The following RFFL variants were observed in gnomAD, a reference collection of about 807,000 sequenced individuals.
RFFL encodes the protein E3 ubiquitin-protein ligase rififylin.
A neutral mutation model predicts 40.4 loss-of-function variants in RFFL; 16 were observed. The ratio of observed to expected loss-of-function variants is 0.40; its 90% CI spans 0.27 to 0.60. The LOEUF (loss-of-function observed/expected upper bound fraction) is 0.60. RFFL is among the 20% of genes least tolerant of loss of function. RFFL has a pLI of 0.47. For missense variants in RFFL, 367 were observed against 451.7 expected, an observed-to-expected ratio of 0.81 and a Z score of 1.70; for synonymous variants, 154 against 167.9, an observed-to-expected ratio of 0.92 and a Z score of 0.64.
At chr17:35,075,368 T>C (rs2091370736) in intron 1 of RFFL, among the ~76,000 whole-genome samples, 1 of 152,240 alleles carries the variant, frequency 6.6e-6, no homozygotes, top group South Asian at 2.1e-4. Context: ...TTTTCTCAAG[T>C]ATTCAGGGAA....
rs73284976 is a variant in RFFL at position 35,032,705 on chromosome 17, G to A, written c.-8-6144C>T. On this transcript the variant is annotated intron_variant, in intron 1 of 6. Transcript: ENST00000394597. Reference sequence around the variant, plus strand: ...AAGTACGTAAAGCCAGAGTGGGGCCGGAGGCTGATTAGATGGTCTGGGTCA... The same window carrying A: ...AAGTACGTAAAGCCAGAGTGGGGCCAGAGGCTGATTAGATGGTCTGGGTCA... Among the ~76,000 whole-genome samples, 138 of 152,084 alleles carry A rather than the reference G, an allele frequency of 9.1e-4. 4 individuals carry two copies. The highest frequency in any genetic ancestry group is 3.1e-3 in the African/African-American group (128 of 41,370).
chr17:35,011,936 C>T lies in RFFL; in HGVS notation c.*32G>A. 1.9e-6 allele frequency: 3 copies of T among 1,607,188 alleles called. No homozygotes were observed. The highest frequency in any genetic ancestry group is 1.1e-5 in the South Asian group (1 of 90,128). On this transcript the variant is annotated 3_prime_UTR_variant, in exon 7 of 7. Coordinates refer to ENST00000394597, the MANE Select transcript of RFFL (RefSeq NM_001017368.2). Reference sequence around the variant, plus strand: ...AGCCCAGACACCCCAGGCTATTTCCCTGTAAGGCACTGAAGAAACCGATGC... The same window carrying T: ...AGCCCAGACACCCCAGGCTATTTCCTTGTAAGGCACTGAAGAAACCGATGC...
chr17:35,056,900 C>A (rs1458291539), intron 1 of RFFL, among the ~76,000 whole-genome samples: 7 of 151,752 alleles, frequency 4.6e-5, no homozygotes, highest in Non-Finnish European at 5.9e-5. Flanking sequence ...GGTGTCCCAC[C>A]ACCCTTTTTT....
chr17:35,017,606 C>T lies in RFFL; in HGVS notation c.592G>A (p.Ala198Thr). The part of the protein sequence containing the change: ...PPAQVQENQQ[A>T]NGHVSQDQEE... Reference sequence around the variant, plus strand: ...TGATCCTGAGACACATGGCCATTGGCCTGTGGGAAGAGAAAAGTAACATCA... The same window carrying T: ...TGATCCTGAGACACATGGCCATTGGTCTGTGGGAAGAGAAAAGTAACATCA... Residue 198 changes from alanine to threonine, a missense_variant and splice_region_variant, in exon 4 of 7, where the codon GCC becomes ACC. Transcript: ENST00000394597. The T allele has an allele frequency of 6.2e-7, 1 of 1,605,742 alleles. No homozygotes were observed. Among genetic ancestry groups the T allele is most frequent in the South Asian group, 1.1e-5 (1 of 89,782 alleles).
chr17:35,027,047 C>T (rs183864893), intron 1 of RFFL, among the ~76,000 whole-genome samples: 1 of 152,272 alleles, frequency 6.6e-6, no homozygotes, highest in Non-Finnish European at 1.5e-5. Flanking sequence ...GCAACCCAGA[C>T]TCAAAGAAAT....
At chr17:35,081,997 TC>T (rs11361451) in intron 1 of RFFL, among the ~76,000 whole-genome samples, 6,715 of 152,262 alleles carry the variant, frequency 0.044, 485 homozygotes, top group African/African-American at 0.15. Context: ...TCAACTGACA[TC>T]ATAATTCAAT....
At chr17:35,028,794 T>G (rs1316200818) in intron 1 of RFFL, among the ~76,000 whole-genome samples, 1 of 151,904 alleles carries the variant, frequency 6.6e-6, no homozygotes, top group African/African-American at 2.4e-5. Context: ...ACTTCCTAGG[T>G]CAAATAGCTC....
intron 1 of RFFL, chr17:35,069,619 G>T (rs774582401): frequency 1.3e-4 from 28 of 212,558 alleles, no homozygotes; most frequent in Admixed American, 2.2e-4. Flanking sequence ...TGCATTCTCT[G>T]AAGATTATTG....
upstream of RFFL, among the ~76,000 whole-genome samples, chr17:35,065,997 C>T (rs2091319427): frequency 1.3e-5 from 2 of 152,042 alleles, no homozygotes; most frequent in South Asian, 4.1e-4. Context: ...TGGTGGCATA[C>T]ACCTCTAACC....
chr17:35,080,499 G>A (rs2091398474), intron 1 of RFFL, among the ~76,000 whole-genome samples: 1 of 152,196 alleles, frequency 6.6e-6, no homozygotes, highest in Admixed American at 6.5e-5. Context: ...CAAAGCAAAT[G>A]AAGAGTAAAA....
At chr17:35,034,765 A>T (rs986265684) in intron 1 of RFFL, among the ~76,000 whole-genome samples, 3 of 152,054 alleles carry the variant, frequency 2.0e-5, no homozygotes, top group African/African-American at 7.2e-5. Flanking sequence ...ACCTCAGGTG[A>T]TCCACCTGCC....
intron 1 of RFFL, among the ~76,000 whole-genome samples, chr17:35,085,856 T>C (rs2091426682): frequency 6.6e-6 from 1 of 152,230 alleles, no homozygotes; most frequent in Non-Finnish European, 1.5e-5. Context: ...ATATTCACCC[T>C]GCATAAGAAA....
chr17:35,080,973 A>G lies in RFFL; in HGVS notation c.-9+8132T>C, dbSNP rs868239806. Among the ~76,000 whole-genome samples, 3 of 152,386 alleles carry G rather than the reference A, an allele frequency of 2.0e-5. No individual in the cohort carries two copies. The South Asian group carries it at 6.2e-4, about 32-fold the overall frequency. On this transcript the variant is annotated intron_variant, in intron 1 of 6. Transcript: ENST00000315249. Reference sequence around the variant, plus strand: ...CAGAGCGGCAGCTTTAAAAAGTCAGATAACATTAGCTCAACAAAATCATAC... The same window carrying G: ...CAGAGCGGCAGCTTTAAAAAGTCAGGTAACATTAGCTCAACAAAATCATAC...
intron 1 of RFFL, among the ~76,000 whole-genome samples, chr17:35,034,496 T>G (rs1180673310): frequency 6.6e-6 from 1 of 151,696 alleles, no homozygotes; most frequent in African/African-American, 2.4e-5. Context: ...TAGGAAAAAC[T>G]GGAAAGTTGT....
intron 1 of RFFL, among the ~76,000 whole-genome samples, chr17:35,058,996 G>T (rs1481290466): frequency 6.7e-6 from 1 of 149,062 alleles, no homozygotes; most frequent in Non-Finnish European, 1.5e-5. Context: ...CAGCCACCAT[G>T]TAAAAGAAGC....
chr17:35,074,709 C>T (rs2091367699), intron 1 of RFFL, among the ~76,000 whole-genome samples: 1 of 152,126 alleles, frequency 6.6e-6, no homozygotes, highest in Non-Finnish European at 1.5e-5. Context: ...CTGGAGAGCA[C>T]ATAATAACTG....
At chr17:35,080,792 T>A (rs980517962) in intron 1 of RFFL, among the ~76,000 whole-genome samples, 5 of 152,228 alleles carry the variant, frequency 3.3e-5, no homozygotes, top group African/African-American at 4.8e-5. Context: ...TCCAGGTGGA[T>A]TTCCCCTACT....
intron 3 of RFFL, among the ~76,000 whole-genome samples, chr17:35,017,923 CATT>C (rs1266104782): frequency 6.6e-6 from 1 of 152,196 alleles, no homozygotes; most frequent in African/African-American, 2.4e-5. Context: ...AAGGGAAGGT[CATT>C]GTGTCCATTC....
chr17:35,065,141 T>G (rs566904829), upstream of RFFL, among the ~76,000 whole-genome samples: 1 of 152,188 alleles, frequency 6.6e-6, no homozygotes, highest in Non-Finnish European at 1.5e-5. Flanking sequence ...ATTTCTGTAG[T>G]TGATGATAAG....
Sources: allele counts gnomAD v4.1 joint callset (sites outside exome capture counted in the v4.1 genomes callset), GRCh38; gene constraint gnomAD v4.1.1; transcripts MANE v1.5; gene names NCBI Gene and HGNC (gene_info 2026-07-23, HGNC 2026-07-21).